TLDC2: variants seen among roughly 807,000 people sequenced by gnomAD.
TLDC2 encodes TBC/LysM-associated domain containing 2, also known as TLD domain-containing protein 2.
TLDC2 carries 23 observed loss-of-function variants against 27.9 expected under a neutral mutation model. The ratio of observed to expected loss-of-function variants is 0.82; its 90% CI spans 0.59 to 1.17. The LOEUF (loss-of-function observed/expected upper bound fraction) is 1.17. Among genes scored for constraint, TLDC2 ranks in the 50% most tolerant of loss-of-function variants. TLDC2 has a pLI of 0.00. For synonymous variants in TLDC2, 124 were observed against 107.4 expected (o/e 1.16, Z -0.96); for missense variants, 286 against 273.4 (o/e 1.05, Z -0.32).
chr20:36,882,959 A>G, intron 4 of TLDC2, among the ~76,000 whole-genome samples: 1 of 152,078 alleles, frequency 6.6e-6, no homozygotes, highest in South Asian at 2.1e-4. Context: ...GCCTTTCAAC[A>G]TCAGAGCTCA....
In TLDC2 at chr20:36,893,168, T is replaced by A; in HGVS notation, c.*324T>A. ...AGTGCGCACATCCTCATCTTGCATA[T>A]AGATTGCTTCTAGCTGTCCTCAATC... On this transcript the variant is annotated 3_prime_UTR_variant, in exon 7 of 7. Coordinates refer to ENST00000217320, the MANE Select transcript of TLDC2 (RefSeq NM_080628.3). The A allele has an allele frequency of 7.0e-7, 1 of 1,434,616 alleles. No individual in the cohort carries two copies. Among genetic ancestry groups the A allele is most frequent in the Non-Finnish European group, 9.7e-7 (1 of 1,033,846 alleles). 88.9% of individuals were successfully genotyped at this position (1,434,616 alleles called of 1,614,324 possible). A position where few individuals can be genotyped will look rare whatever the true frequency, so the allele number is the denominator to read the frequency against.
Position 36,877,952 on chromosome 20 carries a change from G to A in TLDC2, c.87G>A (p.Glu29=). 1 of 1,613,888 alleles carries A rather than the reference G, an allele frequency of 6.2e-7. No individual in the cohort carries two copies. Among genetic ancestry groups the A allele is most frequent in the South Asian group, 1.1e-5 (1 of 91,064 alleles). The change falls in exon 2 of 7, where the codon GAG becomes GAA. Residue 29 remains glutamate, a synonymous_variant. Coordinates refer to ENST00000217320, the MANE Select transcript of TLDC2 (RefSeq NM_080628.3). The stretch of plus-strand genomic sequence containing the variant: ...GGGAGGAGGGTAACGAAGAGGAAGA[G>A]GAGGAGGAGGCAGCTCCAGACCCAG... ...LSGEEGNEEE[E]EEEAAPDPAA...
intron 2 of TLDC2, 62 bp from the exon 3 acceptor site, chr20:36,878,979 C>T: frequency 1.2e-6 from 2 of 1,612,772 alleles, no homozygotes; most frequent in Non-Finnish European, 1.7e-6. Flanking sequence ...CAAGCCCACC[C>T]CCAGGATATG....
intron 4 of TLDC2, among the ~76,000 whole-genome samples, chr20:36,881,833 T>A (rs115471090): frequency 0.013 from 2,035 of 152,080 alleles, 39 homozygotes; most frequent in African/African-American, 0.031. Context: ...AGTTGGACAA[T>A]GTGTTGGAAG....
rs757731171 is a variant in TLDC2, at chr20:36,876,202, C to T, written c.28C>T (p.Arg10Trp). The change falls in exon 1 of 7, where the codon CGG becomes TGG. Residue 10 changes from arginine (R) to tryptophan (W), a missense_variant. Coordinates refer to ENST00000217320, the MANE Select transcript of TLDC2 (RefSeq NM_080628.3). ...GAGAGGCCTCCGCTGGCGTTACACT[C>T]GGCTGGTAAGGGTTCCAACTCCGTC... The part of the protein sequence containing the change: MRGLRWRYT[R>W]LPSQVEDTLS... 7.4e-6 allele frequency: 12 copies of T among 1,614,134 alleles called. No homozygotes were observed. The highest frequency in any genetic ancestry group is 2.2e-5 in the East Asian group (1 of 44,878).
intron 5 of TLDC2, 27 bp downstream of exon 5, chr20:36,887,555 T>C (rs1989950298): frequency 1.2e-6 from 2 of 1,605,690 alleles, no homozygotes; most frequent in Admixed American, 1.7e-5. Context: ...TCCCGAGTCT[T>C]GGGGCGGTCT....
At chr20:36,880,067 A>G (rs1234440112) in intron 3 of TLDC2, among the ~76,000 whole-genome samples, 1 of 40,524 alleles carries the variant, frequency 2.5e-5, no homozygotes, top group African/African-American at 7.2e-5. Flanking sequence ...GAATATATAT[A>G]TACATATATA....
intron 4 of TLDC2, among the ~76,000 whole-genome samples, chr20:36,885,784 T>C (rs2019457470): frequency 6.6e-6 from 1 of 152,172 alleles, no homozygotes; most frequent in Non-Finnish European, 1.5e-5. Flanking sequence ...AATAAATATA[T>C]ATGTTCCAGG....
chr20:36,887,093 C>A (rs992880073), intron 4 of TLDC2, among the ~76,000 whole-genome samples: 5 of 151,982 alleles, frequency 3.3e-5, no homozygotes, highest in Admixed American at 6.6e-5. Flanking sequence ...GAAGAGCAGG[C>A]GGGCTGGTGT....
Position 36,880,688 on chromosome 20 carries a change from C to G in TLDC2, c.376C>G (p.Leu126Val). The stretch of plus-strand genomic sequence containing the variant: ...AGCCTTCTCCTCCTCGGCTATCCGA[C>G]TCAGCAAAGGCTTCTATGGTACTGG... ...FGAFSSSAIR[L>V]SKGFYGTGET... The change falls in exon 4 of 7, where the codon CTC becomes GTC. Residue 126 changes from leucine to valine, a missense_variant. Physicochemically the swap from Leu to Val is conservative, Grantham distance 32. Transcript: ENST00000217320. The G allele has an allele frequency of 6.2e-7, 1 of 1,614,252 alleles. No individual in the cohort carries two copies.
intron 6 of TLDC2, 89 bp from the exon 7 acceptor site, chr20:36,892,773 C>CT (rs1250706402): frequency 2.2e-6 from 2 of 912,662 alleles, no homozygotes; most frequent in Non-Finnish European, 1.8e-6. Flanking sequence ...CTAATACCAT[C>CT]TTATTTCTTT....
intron 4 of TLDC2, among the ~76,000 whole-genome samples, chr20:36,887,185 G>C (rs974063474): frequency 3.9e-5 from 6 of 152,128 alleles, no homozygotes; most frequent in Non-Finnish European, 7.4e-5. Flanking sequence ...TCCAGCTTTG[G>C]AAGCAGGAAG....
At chr20:36,876,301 G>A in intron 1 of TLDC2, 94 bp downstream of exon 1, 1 of 1,536,848 alleles carries the variant, frequency 6.5e-7, no homozygotes, top group Non-Finnish European at 9.0e-7. Flanking sequence ...TTGGATGCGG[G>A]CAGTGACTTG....
At chr20:36,877,605 A>G (rs1174521198) in intron 1 of TLDC2, among the ~76,000 whole-genome samples, 1 of 152,110 alleles carries the variant, frequency 6.6e-6, no homozygotes, top group Non-Finnish European at 1.5e-5. Context: ...CATGGCAAAC[A>G]GACCGACAAG....
intron 6 of TLDC2, 119 bp downstream of exon 6, chr20:36,889,522 GT>G: frequency 7.8e-7 from 1 of 1,280,794 alleles, no homozygotes; most frequent in Non-Finnish European, 1.0e-6. Flanking sequence ...CAGCCTCCTT[GT>G]GGCCTGGGGA....
intron 3 of TLDC2, among the ~76,000 whole-genome samples, chr20:36,879,728 G>A (rs2148344661): frequency 6.6e-6 from 1 of 151,870 alleles, no homozygotes; most frequent in East Asian, 1.9e-4. Context: ...AATTAGCCAG[G>A]TGTGGTGGTG....
rs201941272 is a variant in TLDC2 at position 36,876,213 on chromosome 20, G to T, written c.33+6G>T. On this transcript the variant is annotated splice_donor_region_variant and intron_variant, in intron 1 of 6. Transcript: ENST00000217320. Reference sequence around the variant, plus strand: ...GCTGGCGTTACACTCGGCTGGTAAGGGTTCCAACTCCGTCTGTGGTGCAGG... The same window carrying T: ...GCTGGCGTTACACTCGGCTGGTAAGTGTTCCAACTCCGTCTGTGGTGCAGG... The T allele has an allele frequency of 1.8e-5, 29 of 1,614,126 alleles. No individual in the cohort carries two copies. In the Admixed American group the frequency reaches 2.0e-4, roughly 11 times the overall value.
rs1291140 is a variant in TLDC2 at position 36,889,729 on chromosome 20, C to T, written c.*17+326C>T. The T allele has an allele frequency of 2.0e-4, 39 of 191,032 alleles. 2 individuals carry two copies. The highest frequency in any genetic ancestry group is 4.3e-5 in the Non-Finnish European group (4 of 94,000). 11.8% of individuals were successfully genotyped at this position (191,032 alleles called of 1,614,324 possible). ...GAAGATTTTTCACTATGCTGTTCCT[C>T]GCCAGCTACTGAACGAGGAAAACCA... On this transcript the variant is annotated intron_variant, in intron 6 of 6. Coordinates refer to ENST00000217320, the MANE Select transcript of TLDC2 (RefSeq NM_080628.3).
intron 5 of TLDC2, 63 bp from the exon 6 acceptor site, chr20:36,889,188 G>T: frequency 1.3e-6 from 2 of 1,581,968 alleles, no homozygotes; most frequent in South Asian, 1.1e-5. Context: ...GATGCTGGTG[G>T]CAGAGCCTGG....
Sources: gnomAD v4.1 joint callset for allele counts (sites outside exome capture counted in the v4.1 genomes callset) on GRCh38, gnomAD v4.1.1 for gene constraint, MANE v1.5 for transcripts, NCBI Gene and HGNC (gene_info 2026-07-23, HGNC 2026-07-21) for gene names.